NEDD1: variants seen among roughly 807,000 people sequenced by gnomAD.
The protein encoded by NEDD1 is protein NEDD1.
A neutral mutation model predicts 74.0 loss-of-function variants in NEDD1; 33 were observed. The observed-to-expected ratio is 0.45, with a 90% CI of 0.34 to 0.60. The LOEUF is 0.60. Among genes scored for constraint, NEDD1 ranks in the 20% least tolerant of loss-of-function variants. NEDD1 has a pLI of 0.01. For missense variants in NEDD1, 746 were observed against 776.5 expected (o/e 0.96, Z 0.47); for synonymous variants, 250 against 264.4 (o/e 0.95, Z 0.53).
intron 6 of NEDD1, among the ~76,000 whole-genome samples, chr12:96,923,788 T>TG (rs1875373530): frequency 1.4e-5 from 2 of 142,360 alleles, no homozygotes; most frequent in Admixed American, 1.4e-4. Context: ...TAATACCTGT[T>TG]TGTGTGTGTG....
At chr12:96,912,361 C>T (rs1474498493) in intron 3 of NEDD1, among the ~76,000 whole-genome samples, 1 of 151,708 alleles carries the variant, frequency 6.6e-6, no homozygotes, top group South Asian at 2.1e-4. Flanking sequence ...TGAACAGTTT[C>T]TGTAGATGAA....
intron 1 of NEDD1, 134 bp downstream of exon 1, chr12:96,907,434 T>G: frequency 1.8e-6 from 1 of 549,410 alleles, no homozygotes; most frequent in South Asian, 2.4e-5. Flanking sequence ...CCGGAGCGGT[T>G]GCTGGGCGGG....
chr12:96,909,217 G>GA (rs1247889925), intron 2 of NEDD1, among the ~76,000 whole-genome samples: 1 of 151,416 alleles, frequency 6.6e-6, no homozygotes, highest in African/African-American at 2.4e-5. Context: ...GAAGTGCTAT[G>GA]AAAAAAATGA....
intron 14 of NEDD1, among the ~76,000 whole-genome samples, chr12:96,949,076 C>A (rs973327145): frequency 6.6e-6 from 1 of 152,094 alleles, no homozygotes. Flanking sequence ...TCTTAATACT[C>A]CCCCACCCAG....
chr12:96,929,355 AT>A (rs1422852281), intron 6 of NEDD1, among the ~76,000 whole-genome samples: 7 of 35,178 alleles, frequency 2.0e-4, no homozygotes, highest in South Asian at 2.2e-3. Flanking sequence ...AATGTCTTGT[AT>A]TTTTTTTTTC....
rs976499856 is a variant in NEDD1 at position 96,907,332 on chromosome 12, C to A, written c.-262+32C>A. On this transcript the variant is annotated intron_variant, in intron 1 of 15. Transcript: ENST00000266742. ...TTCCGGAGGCCCTGAGGTCAGCGGGCCCCCGCCCGCCGCGTCCGCGCACCC... is the reference window on the plus strand; with the variant it reads ...TTCCGGAGGCCCTGAGGTCAGCGGGACCCCGCCCGCCGCGTCCGCGCACCC... The A allele has an allele frequency of 1.3e-4, 48 of 372,082 alleles. 1 individual carries two copies. The highest frequency in any genetic ancestry group is 8.3e-4 in the African/African-American group (39 of 46,958). 23.0% of individuals were successfully genotyped at this position (372,082 alleles called of 1,614,324 possible). A position where few individuals can be genotyped will look rare whatever the true frequency, so the allele number is the denominator to read the frequency against.
intron 7 of NEDD1, among the ~76,000 whole-genome samples, chr12:96,935,970 G>C (rs1051449730): frequency 1.3e-5 from 2 of 152,134 alleles, no homozygotes; most frequent in African/African-American, 4.8e-5. Flanking sequence ...AATTTTTACT[G>C]TTAGGACTTA....
intron 14 of NEDD1, among the ~76,000 whole-genome samples, 155 bp downstream of exon 14, chr12:96,946,004 G>A (rs564134698): frequency 5.3e-5 from 8 of 151,812 alleles, no homozygotes; most frequent in East Asian, 1.9e-4. Flanking sequence ...TGATCTTTTC[G>A]TACTGCATTT....
intron 5 of NEDD1, 112 bp downstream of exon 5, chr12:96,917,849 T>C: frequency 1.6e-6 from 2 of 1,256,582 alleles, no homozygotes; most frequent in Non-Finnish European, 2.1e-6. Context: ...GGCTTCAGAA[T>C]TGAACTAAGA....
chr12:96,919,995 A>G lies in NEDD1; in HGVS notation c.359A>G (p.Asp120Gly). ...ATTTCTCTCTTTCAGGATCATAAAG[A>G]TCAAGTAACTTGTGTAACATACAAT... ...RVHRSLKDHK[D>G]QVTCVTYNWN... Residue 120 changes from aspartate (D) to glycine (G), a missense_variant, in exon 6 of 16, where the codon GAT becomes GGT. Physicochemically the swap from Asp to Gly is moderately conservative, Grantham distance 94. Transcript: ENST00000266742. 6.2e-7 allele frequency: 1 copy of G among 1,606,360 alleles called. No homozygotes were observed. The highest frequency in any genetic ancestry group is 1.3e-5 in the African/African-American group (1 of 74,840).
intron 11 of NEDD1, among the ~76,000 whole-genome samples, chr12:96,942,854 A>G (rs910631906): frequency 6.6e-6 from 1 of 152,030 alleles, no homozygotes; most frequent in Non-Finnish European, 1.5e-5. Flanking sequence ...TTAAGACTCA[A>G]CTGGGCAGGG....
intron 6 of NEDD1, among the ~76,000 whole-genome samples, chr12:96,928,492 T>TA (rs1164505220): frequency 6.6e-6 from 1 of 152,116 alleles, no homozygotes; most frequent in Non-Finnish European, 1.5e-5. Context: ...GCTTAAGTGT[T>TA]ACCCTATTAT....
intron 6 of NEDD1, among the ~76,000 whole-genome samples, chr12:96,932,487 T>TATATATATATATATATATATATAA (rs1300455459): frequency 5.3e-5 from 4 of 75,054 alleles, no homozygotes; most frequent in South Asian, 5.1e-4. Context: ...TATATATATA[T>TATATATATATATATATATATATAA]AAAATGCACA....
intron 7 of NEDD1, among the ~76,000 whole-genome samples, chr12:96,936,291 T>G (rs1877079602): frequency 6.6e-6 from 1 of 152,234 alleles, no homozygotes; most frequent in Non-Finnish European, 1.5e-5. Context: ...GTTTGTGGCG[T>G]AATAGACAGT....
chr12:96,951,407 A>G (rs780514870), intron 14 of NEDD1, 25 bp from the exon 15 acceptor site: 1 of 1,414,504 alleles, frequency 7.1e-7, no homozygotes, highest in South Asian at 1.2e-5. Context: ...TTGTAATTCT[A>G]AAAAGTATTT....
At chr12:96,936,877 T>G in intron 8 of NEDD1, 65 bp downstream of exon 8, 5 of 974,720 alleles carry the variant, frequency 5.1e-6, no homozygotes, top group Non-Finnish European at 7.9e-6. Context: ...ATATGGAAAT[T>G]ATATGTGGTC....
chr12:96,911,345 G>A lies in NEDD1; in HGVS notation c.137-1378G>A, dbSNP rs528430549. ...TTAATAGTCTAACAACAAAACTGAT[G>A]TAGCTATGAGATAGTGTTGTATGAC... On this transcript the variant is annotated intron_variant, in intron 3 of 15. Transcript: ENST00000266742. Among the ~76,000 whole-genome samples the A allele has an allele frequency of 4.6e-5, 7 of 152,356 alleles. No homozygotes were observed. The South Asian group carries it at 1.4e-3, about 32-fold the overall frequency.
intron 3 of NEDD1, among the ~76,000 whole-genome samples, chr12:96,912,269 T>C (rs1873994862): frequency 6.6e-6 from 1 of 152,122 alleles, no homozygotes; most frequent in Non-Finnish European, 1.5e-5. Flanking sequence ...CTTTTTTTTT[T>C]TTAAATAGAA....
intron 7 of NEDD1, among the ~76,000 whole-genome samples, chr12:96,936,174 T>TAAC (rs1877067716): frequency 6.6e-6 from 1 of 152,206 alleles, no homozygotes; most frequent in African/African-American, 2.4e-5. Flanking sequence ...AAGAACAAAG[T>TAAC]AACAGCTGCT....
Sources: allele counts gnomAD v4.1 joint callset (sites outside exome capture counted in the v4.1 genomes callset), GRCh38; gene constraint gnomAD v4.1.1; transcripts MANE v1.5; gene names NCBI Gene and HGNC (gene_info 2026-07-23, HGNC 2026-07-21).